The following RNF212B variants were observed in gnomAD, a reference collection of about 807,000 sequenced individuals.
The protein encoded by RNF212B is ring finger protein 212B.
A neutral mutation model predicts 55.5 loss-of-function variants in RNF212B; 52 were observed. That is an observed-to-expected ratio of 0.94 (90% CI 0.75 to 1.18). The LOEUF is 1.18. RNF212B is among the 50% of genes most tolerant of loss of function. The pLI is 0.00. For missense variants in RNF212B, 289 were observed against 350.4 expected (o/e 0.82, Z 1.40); for synonymous variants, 99 against 121.4 (o/e 0.82, Z 1.21).
Position 23,206,083 on chromosome 14 carries a change from C to CT in RNF212B, c.-2+12691dup, listed in dbSNP as rs201834355. 8.4e-3 allele frequency among the ~76,000 whole-genome samples: 1,279 copies of CT among 151,406 alleles called. 16 individuals carry two copies. The highest frequency in any genetic ancestry group is 0.029 in the African/African-American group (1,205 of 41,296). On this transcript the variant is annotated intron_variant, in intron 2 of 15. Coordinates refer to the RNF212B transcript ENST00000399910. ...AAACCTGAAAAAGCATTTGACTAGT[C>CT]TTTTTTTTTGAGACGGAGTCTTGCT...
chr14:23,223,054 C>CAAAAAAAA (rs55694130), intron 2 of RNF212B, among the ~76,000 whole-genome samples: 1 of 124,814 alleles, frequency 8.0e-6, no homozygotes, highest in Non-Finnish European at 1.6e-5. Context: ...AACTCCGTCT[C>CAAAAAAAA]AAAAAAAAAA....
At chr14:23,261,378 A>G (rs1269219392) in intron 7 of RNF212B, 2 of 152,514 alleles carry the variant, frequency 1.3e-5, no homozygotes, top group Non-Finnish European at 2.9e-5. Context: ...GAATGTTAGT[A>G]CAGGTCTTTA....
intron 4 of RNF212B, among the ~76,000 whole-genome samples, chr14:23,256,840 T>C (rs1884869871): frequency 6.6e-6 from 1 of 152,124 alleles, no homozygotes; most frequent in Non-Finnish European, 1.5e-5. Flanking sequence ...GAATGTATTA[T>C]CACGCCTGGC....
chr14:23,246,097 A>G (rs1210726350), intron 4 of RNF212B, among the ~76,000 whole-genome samples: 1 of 148,838 alleles, frequency 6.7e-6, no homozygotes, highest in Non-Finnish European at 1.5e-5. Context: ...GGACTGGAGA[A>G]CCTCATATAG....
chr14:23,207,418 G>A (rs1405584319), intron 2 of RNF212B, among the ~76,000 whole-genome samples: 1 of 152,204 alleles, frequency 6.6e-6, no homozygotes, highest in Non-Finnish European at 1.5e-5. Context: ...CATCGTCATG[G>A]AAGGAGGAAA....
At chr14:23,269,839 G>A (rs1594955011) in intron 12 of RNF212B, 24 bp from the exon 13 acceptor site, 1 of 1,307,914 alleles carries the variant, frequency 7.6e-7, no homozygotes, top group African/African-American at 1.5e-5. Context: ...TTTCTCTGCT[G>A]ATGCTTTTAT....
chr14:23,186,859 T>G (rs1301700015), intron 1 of RNF212B, among the ~76,000 whole-genome samples: 1 of 152,240 alleles, frequency 6.6e-6, no homozygotes, highest in African/African-American at 2.4e-5. Flanking sequence ...GGGAGATTGA[T>G]AGTTTACACT....
intron 4 of RNF212B, chr14:23,258,338 C>CAA (rs1213381274): frequency 0.2 from 30,124 of 151,808 alleles, 3,108 homozygotes; most frequent in South Asian, 0.25. Flanking sequence ...AACTCTGTCT[C>CAA]AAAAAAAAAA....
chr14:23,228,787 C>T (rs1365844083), intron 2 of RNF212B, among the ~76,000 whole-genome samples: 4 of 152,138 alleles, frequency 2.6e-5, no homozygotes, highest in Non-Finnish European at 5.9e-5. Context: ...ACAGACAAAT[C>T]AATCAGTGGA....
intron 3 of RNF212B, among the ~76,000 whole-genome samples, chr14:23,243,912 T>C (rs1475614365): frequency 6.6e-6 from 1 of 151,756 alleles, no homozygotes; most frequent in Non-Finnish European, 1.5e-5. Context: ...CCCTCGTCTC[T>C]ACTAAAAATA....
intron 2 of RNF212B, among the ~76,000 whole-genome samples, chr14:23,228,059 C>T (rs1761979175): frequency 2.0e-5 from 3 of 151,036 alleles, no homozygotes; most frequent in East Asian, 2.0e-4. Flanking sequence ...GGAGAAACCT[C>T]GTCTCTACTA....
chr14:23,233,963 G>A (rs1161809555), upstream of RNF212B, among the ~76,000 whole-genome samples: 1 of 152,050 alleles, frequency 6.6e-6, no homozygotes, highest in East Asian at 1.9e-4. Context: ...CAGGCCTGGT[G>A]GTGTGTGCCT....
chr14:23,256,919 C>G (rs1055847214), intron 4 of RNF212B, among the ~76,000 whole-genome samples: 56 of 152,086 alleles, frequency 3.7e-4, no homozygotes, highest in Non-Finnish European at 4.7e-4. Flanking sequence ...CTTTGGGAGG[C>G]TGAGGCAGGT....
At chr14:23,257,112 C>G (rs991484724) in intron 4 of RNF212B, among the ~76,000 whole-genome samples, 2 of 151,946 alleles carry the variant, frequency 1.3e-5, no homozygotes, top group Admixed American at 1.3e-4. Flanking sequence ...GAGATCGTGC[C>G]ATTGCACTCC....
Position 23,262,953 on chromosome 14 carries a change from T to C in RNF212B, c.507T>C (p.His169=). 1 of 1,550,554 alleles carries C rather than the reference T, an allele frequency of 6.4e-7. No individual in the cohort carries two copies. Among genetic ancestry groups the C allele is most frequent in the Admixed American group, 2.0e-5 (1 of 50,994 alleles). Reference sequence around the variant, plus strand: ...TTACCCCACGACCCAGTTTCCAGCATAGCAGTCAAGTGGTCAGGTAAACCT... The same window carrying C: ...TTACCCCACGACCCAGTTTCCAGCACAGCAGTCAAGTGGTCAGGTAAACCT... ...QSVTPRPSFQ[H]SSQVVSRSSS... The change falls in exon 9 of 15, where the codon CAT becomes CAC. Residue 169 remains histidine, a synonymous_variant. Transcript: ENST00000430154.
At chr14:23,186,850 G>T (rs2140350757) in intron 1 of RNF212B, among the ~76,000 whole-genome samples, 1 of 152,268 alleles carries the variant, frequency 6.6e-6, no homozygotes, top group Admixed American at 6.5e-5. Flanking sequence ...AGGGCAAATG[G>T]GAGATTGATA....
intron 11 of RNF212B, among the ~76,000 whole-genome samples, chr14:23,265,194 G>A (rs951857003): frequency 6.6e-6 from 1 of 152,188 alleles, no homozygotes; most frequent in African/African-American, 2.4e-5. Context: ...GTGATAGAAA[G>A]TCATTGAAAA....
chr14:23,272,144 G>A (rs1451178758), intron 14 of RNF212B, among the ~76,000 whole-genome samples: 2 of 152,120 alleles, frequency 1.3e-5, no homozygotes, highest in Non-Finnish European at 2.9e-5. Context: ...TGGGCCAGGC[G>A]TGGTGGCTCA....
intron 2 of RNF212B, among the ~76,000 whole-genome samples, chr14:23,227,545 A>G (rs1354711427): frequency 1.3e-5 from 2 of 150,310 alleles, no homozygotes; most frequent in Admixed American, 6.6e-5. Flanking sequence ...ATCAATATAC[A>G]TTGAATATAC....
Sources: gnomAD v4.1 joint callset for allele counts (sites outside exome capture counted in the v4.1 genomes callset) on GRCh38, gnomAD v4.1.1 for gene constraint, MANE v1.5 for transcripts, NCBI Gene and HGNC (gene_info 2026-07-23, HGNC 2026-07-21) for gene names.